PSG11: variants seen among roughly 807,000 people sequenced by gnomAD.
The protein encoded by PSG11 is pregnancy-specific beta-1-glycoprotein 11.
PSG11 carries 42 observed loss-of-function variants against 36.0 expected under a neutral mutation model. The ratio of observed to expected loss-of-function variants is 1.17; its 90% CI spans 0.91 to 1.51. The LOEUF (loss-of-function observed/expected upper bound fraction) is 1.51. Among genes scored for constraint, PSG11 ranks in the 40% most tolerant of loss-of-function variants. The probability of loss-of-function intolerance (pLI) is 0.00; values close to 1 mark genes in which losing one functional copy is unlikely to be tolerated. For missense variants in PSG11, 558 were observed against 403.5 expected (o/e 1.38, Z -3.28); for synonymous variants, 206 against 153.5 (o/e 1.34, Z -2.53).
Position 43,026,317 on chromosome 19 carries a change from A to T in PSG11, c.56T>A (p.Leu19Gln), listed in dbSNP as rs745338700. The change falls in exon 1 of 6, where the codon CTG becomes CAG. Residue 19 changes from leucine to glutamine, a missense_variant. By Grantham distance (113) the Leu-to-Gln change is moderately radical. Transcript: ENST00000320078. ...CTEHIKWKGL[L>Q]LTALLLNFWN... Reference sequence around the variant, plus strand: ...GGAAGTTCTCTCCTCACCTGTGAGCAGGAGCCCCTTCCATTTGATGTGCTC... The same window carrying T: ...GGAAGTTCTCTCCTCACCTGTGAGCTGGAGCCCCTTCCATTTGATGTGCTC... 5.6e-6 allele frequency: 9 copies of T among 1,610,708 alleles called. No homozygotes were observed. Among genetic ancestry groups the T allele is most frequent in the Non-Finnish European group, 7.6e-6 (9 of 1,178,574 alleles).
rs774670407 is a variant in PSG11 at position 43,024,934 on chromosome 19, T to C, written c.187A>G (p.Thr63Ala). Residue 63 changes from threonine to alanine, a missense_variant, in exon 2 of 6, where the codon ACT (threonine) becomes GCT (alanine). Physicochemically the swap from Thr to Ala is moderately conservative, Grantham distance 58 (BLOSUM62 0). Coordinates refer to ENST00000320078, the MANE Select transcript of PSG11 (RefSeq NM_002785.3). ...LLVHNLPQNL[T>A]GYIWYKGQIR... ...TGCCCTTTGTACCAGATGTAGCCAG[T>C]AAGATTCTGGGGCAAATTGTGGACA... 4.5e-5 allele frequency: 73 copies of C among 1,611,720 alleles called. 1 individual carries two copies. The highest frequency in any genetic ancestry group is 8.9e-5 in the East Asian group (4 of 44,806).
intron 4 of PSG11, among the ~76,000 whole-genome samples, chr19:43,012,358 T>A (rs1475149174): frequency 6.6e-6 from 1 of 151,430 alleles, no homozygotes; most frequent in Non-Finnish European, 1.5e-5. Context: ...GTAAAATTAT[T>A]TCTGTTTACA....
chr19:43,008,107 C>G (rs1973975694), intron 5 of PSG11, 65 bp from the exon 6 acceptor site: 1 of 327,728 alleles, frequency 3.1e-6, no homozygotes, highest in African/African-American at 2.2e-5. Context: ...ATCAAAGCAA[C>G]TTTCTGGGAA....
At position 43,019,284 on chromosome 19, in the gene PSG11, C is replaced by T. The variant is rs112860920; in HGVS notation, c.431-236G>A. On this transcript the variant is annotated intron_variant, in intron 2 of 5. Coordinates refer to ENST00000320078, the MANE Select transcript of PSG11 (RefSeq NM_002785.3). ...TTCTCAGGTGTGAATTGAGCAGCAG[C>T]ATTGGGTCATGGAAAGACACAGGAC... The T allele has an allele frequency of 1.5e-3, 1,369 of 906,024 alleles. 42 individuals are homozygous for T. In the African/African-American group the frequency reaches 0.021, roughly 14 times the overall value. 56.1% of individuals were successfully genotyped at this position (906,024 alleles called of 1,614,324 possible).
Position 43,018,383 on chromosome 19 carries a change from A to C in PSG11, c.709+387T>G, listed in dbSNP as rs190672374. ...CATCCAGGCCATCTGGAGCAAAGAG[A>C]ATAAAGTCACAGGTGACATTGTCAG... On this transcript the variant is annotated intron_variant, in intron 3 of 5. Transcript: ENST00000320078. The C allele has an allele frequency of 6.4e-3, 2,434 of 378,370 alleles. 121 individuals are homozygous for C. Among genetic ancestry groups the C allele is most frequent in the African/African-American group, 0.044 (2,136 of 48,146 alleles). The allele number at this position is 378,370 out of a possible 1,614,324, so 23.4% of individuals were successfully genotyped here. A position where few individuals can be genotyped will look rare whatever the true frequency, so the allele number is the denominator to read the frequency against.
At chr19:43,012,021 C>G (rs926554574) in intron 4 of PSG11, among the ~76,000 whole-genome samples, 3 of 150,676 alleles carry the variant, frequency 2.0e-5, no homozygotes, top group Admixed American at 6.6e-5. Flanking sequence ...ATGAAATAGA[C>G]AAACTCCTAG....
At chr19:43,019,952 A>G (rs1967063451) in intron 2 of PSG11, among the ~76,000 whole-genome samples, 1 of 151,484 alleles carries the variant, frequency 6.6e-6, no homozygotes, top group Non-Finnish European at 1.5e-5. Flanking sequence ...TATTAGACCA[A>G]TATTTGGGAA....
Position 43,024,971 on chromosome 19 carries a change from A to G in PSG11, c.150T>C (p.Asp50=), listed in dbSNP as rs755291227. The change falls in exon 2 of 6, where the codon GAT becomes GAC. Residue 50 remains aspartate, a synonymous_variant. Transcript: ENST00000320078. ...AQPPKVSEGK[D]VLLLVHNLPQ... ...GCAAATTGTGGACAAGTAGAAGAAC[A>G]TCCTTCCCCTCGGACACTTTGGGTG... is the stretch of plus-strand genomic sequence containing the variant. 9.9e-6 allele frequency: 16 copies of G among 1,611,768 alleles called. 1 individual carries two copies. The highest frequency in any genetic ancestry group is 1.4e-5 in the Non-Finnish European group (16 of 1,178,994).
Position 43,024,768 on chromosome 19 carries a change from C to G in PSG11, c.353G>C (p.Gly118Ala). The G allele has an allele frequency of 1.2e-6, 2 of 1,611,902 alleles. No individual in the cohort carries two copies. The highest frequency in any genetic ancestry group is 1.7e-6 in the Non-Finnish European group (2 of 1,179,094). The part of the protein sequence containing the change: ...LIQNVTREDA[G>A]SYTLHIIKRG... Reference sequence around the variant, plus strand: ...CTTTATGATGTGTAAGGTGTAGGATCCTGCGTCCTCCCGGGTGACATTCTG... The same window carrying G: ...CTTTATGATGTGTAAGGTGTAGGATGCTGCGTCCTCCCGGGTGACATTCTG... The change falls in exon 2 of 6, where the codon GGA (glycine) becomes GCA (alanine). Residue 118 changes from glycine (G) to alanine (A), a missense_variant. Physicochemically the swap from Gly to Ala is moderately conservative, Grantham distance 60. Coordinates refer to ENST00000320078, the MANE Select transcript of PSG11 (RefSeq NM_002785.3).
rs1233318144 is a variant in PSG11, at chr19:43,007,794, A to G, written c.*289T>C. On this transcript the variant is annotated 3_prime_UTR_variant, in exon 6 of 6. Transcript: ENST00000320078. ...GTATACTTTACCAATTGCTGAAGAA[A>G]AAAATTCATAAATCTGGAGGATAAA... The G allele has an allele frequency of 3.5e-6, 1 of 282,536 alleles. No individual in the cohort carries two copies. The highest frequency in any genetic ancestry group is 2.2e-5 in the African/African-American group (1 of 45,156). 17.5% of individuals were successfully genotyped at this position (282,536 alleles called of 1,614,324 possible).
chr19:43,009,386 G>A lies in PSG11; in HGVS notation c.*40+572C>T, dbSNP rs1165754153. Among the ~76,000 whole-genome samples, 3 of 151,306 alleles carry A rather than the reference G, an allele frequency of 2.0e-5. 1 individual carries two copies. Among genetic ancestry groups the A allele is most frequent in the Non-Finnish European group, 4.4e-5 (3 of 67,892 alleles). On this transcript the variant is annotated intron_variant, in intron 5 of 5. Transcript: ENST00000320078. ...GAATTTTATGTCTATATGGGTGAAG[G>A]GGCAGGGATGTGTAGGAAGACAGTT...
intron 3 of PSG11, among the ~76,000 whole-genome samples, chr19:43,016,373 G>T (rs1402388049): frequency 6.6e-6 from 1 of 151,072 alleles, no homozygotes; most frequent in Admixed American, 6.6e-5. Flanking sequence ...GGCTCACCTT[G>T]GGTTCCTTAC....
In PSG11 at chr19:43,023,513, A is replaced by G. The variant is rs187868824; in HGVS notation, c.430+1178T>C. ...AGGCCTGGACATTTTTTTTGCACTG[A>G]CTTTGATGGTTGAAGCAGGTGATTT... On this transcript the variant is annotated intron_variant, in intron 2 of 5. Transcript: ENST00000320078. 8.7e-4 allele frequency among the ~76,000 whole-genome samples: 131 copies of G among 151,110 alleles called. 3 individuals carry two copies. The highest frequency in any genetic ancestry group is 3.0e-3 in the African/African-American group (122 of 41,012).
chr19:43,023,224 C>A (rs1473842996), intron 2 of PSG11, among the ~76,000 whole-genome samples: 1 of 150,386 alleles, frequency 6.6e-6, no homozygotes, highest in Non-Finnish European at 1.5e-5. Context: ...GGACAAGGGA[C>A]AGGTGTGGCT....
At chr19:43,017,255 G>T (rs1966990681) in intron 3 of PSG11, 1 of 151,464 alleles carries the variant, frequency 6.6e-6, no homozygotes, top group Non-Finnish European at 1.5e-5. Context: ...GACATTTTTT[G>T]ATTCTGAAAT....
At position 43,015,163 on chromosome 19, in the gene PSG11, G is replaced by C; in HGVS notation, c.917C>G (p.Ser306Ter). Residue 306 changes from serine to a stop codon, truncating the protein, a stop_gained, in exon 4 of 6, where the codon TCA (serine) becomes TGA (stop). Coordinates refer to ENST00000320078, the MANE Select transcript of PSG11 (RefSeq NM_002785.3). LOFTEE classifies it high-confidence loss of function. ...NGLYACSARN[S>*]ATGEESSTSL... ...TGTGGAGCTTTCCTCGCCAGTGGCT[G>C]AGTTACGAGCAGAGCAAGCATAGAG... The C allele has an allele frequency of 6.2e-7, 1 of 1,611,954 alleles. No individual in the cohort carries two copies. Among genetic ancestry groups the C allele is most frequent in the Non-Finnish European group, 8.5e-7 (1 of 1,178,878 alleles).
chr19:43,014,927 T>C lies in PSG11; in HGVS notation c.964+189A>G, dbSNP rs1270341484. 2.7e-6 allele frequency: 4 copies of C among 1,459,820 alleles called. 1 individual carries two copies. Among genetic ancestry groups the C allele is most frequent in the East Asian group, 4.7e-5 (2 of 42,428 alleles). The allele number at this position is 1,459,820 out of a possible 1,614,324, so 90.4% of individuals were successfully genotyped here. On this transcript the variant is annotated intron_variant, in intron 4 of 5. Coordinates refer to ENST00000320078, the MANE Select transcript of PSG11 (RefSeq NM_002785.3). ...CTCAGGCCAGACACAAGGTCAGTCA[T>C]GAGAAAACAGAAAAAAAAGGAGAAG...
At chr19:43,008,925 G>T (rs928815657) in intron 5 of PSG11, among the ~76,000 whole-genome samples, 5 of 151,198 alleles carry the variant, frequency 3.3e-5, no homozygotes, top group South Asian at 2.1e-4. Context: ...ACCAATGCCT[G>T]GGTCCGTCTC....
chr19:43,024,844 G>T lies in PSG11; in HGVS notation c.277C>A (p.Pro93Thr). 3 of 1,611,874 alleles carry T rather than the reference G, an allele frequency of 1.9e-6. No homozygotes were observed. Among genetic ancestry groups the T allele is most frequent in the Non-Finnish European group, 2.5e-6 (3 of 1,179,092 alleles). ...ACTGTTTCTCGTCCACTGTATGCCG[G>T]TCCATATATAATTATTTGACCGTCT... Reference protein sequence around the residue: ...VVDGQIIIYGPAYSGRETVYS... With the variant: ...VVDGQIIIYGTAYSGRETVYS... The change falls in exon 2 of 6, where the codon CCG becomes ACG. Residue 93 changes from proline to threonine, a missense_variant. Coordinates refer to ENST00000320078, the MANE Select transcript of PSG11 (RefSeq NM_002785.3).
Sources: allele counts gnomAD v4.1 joint callset (sites outside exome capture counted in the v4.1 genomes callset), GRCh38; gene constraint gnomAD v4.1.1; transcripts MANE v1.5; gene names NCBI Gene and HGNC (gene_info 2026-07-23, HGNC 2026-07-21).